The following TYR variants were observed in gnomAD, a reference collection of about 807,000 sequenced individuals.
TYR encodes the protein tyrosinase.
In TYR, 58 loss-of-function variants were observed where a neutral mutation model predicts 51.5. The observed-to-expected ratio is 1.13, with a 90% CI of 0.91 to 1.40. TYR has a LOEUF of 1.40. Ranked by LOEUF, TYR falls within the 40% of genes most tolerant of loss-of-function variation. The pLI is 0.00. For missense variants in TYR, 732 were observed against 647.4 expected (o/e 1.13, Z -1.42); for synonymous variants, 263 against 235.2 (o/e 1.12, Z -1.08).
At chr11:89,287,061 C>T (rs1435852294) in intron 4 of TYR, among the ~76,000 whole-genome samples, 1 of 151,702 alleles carries the variant, frequency 6.6e-6, no homozygotes, top group Non-Finnish European at 1.5e-5. Context: ...TCATTTTATA[C>T]TTATAGTGAT....
In TYR at chr11:89,178,731, C is replaced by G; in HGVS notation, c.778C>G (p.Pro260Ala). ...EYMGGQHPTN[P>A]NLLSPASFFS... is the part of the protein sequence containing the mutation. ...CATGGGAGGTCAGCACCCCACAAAT[C>G]CTAACTTACTCAGCCCAGCATCATT... The change falls in exon 1 of 5, where the codon CCT (proline) becomes GCT (alanine). Residue 260 changes from proline to alanine, a missense_variant. Pro to Ala is a conservative substitution (Grantham distance 27). Transcript: ENST00000263321. 1 of 1,614,114 alleles carries G rather than the reference C, an allele frequency of 6.2e-7. No homozygotes were observed. Among genetic ancestry groups the G allele is most frequent in the South Asian group, 1.1e-5 (1 of 91,084 alleles).
chr11:89,198,593 G>T (rs1943555071), intron 2 of TYR, among the ~76,000 whole-genome samples: 1 of 151,998 alleles, frequency 6.6e-6, no homozygotes, highest in Non-Finnish European at 1.5e-5. Context: ...CTCCTCACAT[G>T]TTATCTTATT....
rs148813091 is a variant in TYR, at chr11:89,178,457, C to T, written c.504C>T (p.Asn168=). Residue 168 remains asparagine (N), a synonymous_variant, in exon 1 of 5, where the codon AAC becomes AAT. Transcript: ENST00000263321. The part of the protein sequence containing the change: ...QMKNGSTPMF[N]DINIYDLFVW... ...AAAATGGATCAACACCCATGTTTAACGACATCAATATTTATGACCTCTTTG... is the reference window on the plus strand; with the variant it reads ...AAAATGGATCAACACCCATGTTTAATGACATCAATATTTATGACCTCTTTG... 824 of 1,614,108 alleles carry T rather than the reference C, an allele frequency of 5.1e-4. 6 individuals are homozygous for T. The highest frequency in any genetic ancestry group is 1.7e-4 in the Middle Eastern group (1 of 6,060).
intron 1 of TYR, among the ~76,000 whole-genome samples, chr11:89,187,500 T>G (rs1943389441): frequency 6.6e-6 from 1 of 152,140 alleles, no homozygotes; most frequent in South Asian, 2.1e-4. Flanking sequence ...CATAACAAAC[T>G]CATTGGCCAA....
intron 3 of TYR, among the ~76,000 whole-genome samples, chr11:89,281,440 C>T (rs1278297660): frequency 6.6e-6 from 1 of 151,636 alleles, no homozygotes; most frequent in Non-Finnish European, 1.5e-5. Context: ...GAGGTAAAGC[C>T]CCAAACATGT....
At chr11:89,252,577 T>C (rs1394812654) in intron 3 of TYR, among the ~76,000 whole-genome samples, 1 of 151,828 alleles carries the variant, frequency 6.6e-6, no homozygotes, top group Non-Finnish European at 1.5e-5. Context: ...GATAGTAAAA[T>C]AATTCCCTGA....
chr11:89,233,414 C>T (rs116402236), intron 3 of TYR, among the ~76,000 whole-genome samples: 2,373 of 138,836 alleles, frequency 0.017, 463 homozygotes, highest in African/African-American at 0.066. Flanking sequence ...TTCCATACTC[C>T]TATTAACGTT....
At chr11:89,226,292 C>A (rs191253855) in intron 2 of TYR, among the ~76,000 whole-genome samples, 1 of 152,144 alleles carries the variant, frequency 6.6e-6, no homozygotes, top group Non-Finnish European at 1.5e-5. Flanking sequence ...TAGACAAGTT[C>A]TTTGTCCCCT....
intron 4 of TYR, among the ~76,000 whole-genome samples, chr11:89,286,863 T>C (rs1387551553): frequency 6.6e-6 from 1 of 151,826 alleles, no homozygotes; most frequent in Non-Finnish European, 1.5e-5. Flanking sequence ...AAAACCACAG[T>C]ACATAAAAAA....
At chr11:89,257,454 A>G (rs1189731470) in intron 3 of TYR, among the ~76,000 whole-genome samples, 2 of 152,036 alleles carry the variant, frequency 1.3e-5, no homozygotes, top group African/African-American at 4.8e-5. Flanking sequence ...TAGCCATATT[A>G]TCCGTCTCTG....
At chr11:89,231,662 T>C (rs907676071) in intron 3 of TYR, among the ~76,000 whole-genome samples, 1 of 141,938 alleles carries the variant, frequency 7.0e-6, no homozygotes, top group Admixed American at 7.0e-5. Context: ...GGAGGGAAGT[T>C]GGACAAATGA....
At chr11:89,216,579 G>A (rs1293665039) in intron 2 of TYR, among the ~76,000 whole-genome samples, 1 of 147,600 alleles carries the variant, frequency 6.8e-6, no homozygotes, top group African/African-American at 2.6e-5. Context: ...CTTGAACCCA[G>A]GAGGCAGAGG....
chr11:89,234,522 T>C (rs1944087547), intron 3 of TYR, among the ~76,000 whole-genome samples: 2 of 143,584 alleles, frequency 1.4e-5, no homozygotes, highest in South Asian at 2.3e-4. Context: ...CCTTCCTCAC[T>C]AAGCTCAATC....
chr11:89,243,990 G>A (rs1158338563), intron 3 of TYR, among the ~76,000 whole-genome samples: 1 of 151,964 alleles, frequency 6.6e-6, no homozygotes, highest in Non-Finnish European at 1.5e-5. Flanking sequence ...TAAAAATGTT[G>A]GTAATGGACC....
At chr11:89,193,406 A>T (rs1188280692) in intron 2 of TYR, among the ~76,000 whole-genome samples, 2 of 152,152 alleles carry the variant, frequency 1.3e-5, no homozygotes, top group Non-Finnish European at 2.9e-5. Context: ...ACAGGTGAGG[A>T]GGGAACAGCA....
chr11:89,253,726 A>G (rs1302947480), intron 3 of TYR, among the ~76,000 whole-genome samples: 5 of 151,676 alleles, frequency 3.3e-5, no homozygotes, highest in Non-Finnish European at 7.4e-5. Flanking sequence ...AGCTTTTTGG[A>G]AGAGTCTTCA....
rs13312741 is a variant in TYR, at chr11:89,178,326, G to A, written c.373G>A (p.Asp125Asn). The A allele has an allele frequency of 5.6e-6, 9 of 1,614,048 alleles. No homozygotes were observed. The highest frequency in any genetic ancestry group is 1.6e-4 in the Middle Eastern group (1 of 6,084). Residue 125 changes from aspartate (D) to asparagine (N), a missense_variant, in exon 1 of 5, where the codon GAT (aspartate) becomes AAT (asparagine). Coordinates refer to ENST00000263321, the MANE Select transcript of TYR (RefSeq NM_000372.5). The stretch of plus-strand genomic sequence containing the variant: ...ACTCTTGGTGAGAAGAAACATCTTC[G>A]ATTTGAGTGCCCCAGAGAAGGACAA... ...RRLLVRRNIF[D>N]LSAPEKDKFF...
intron 3 of TYR, among the ~76,000 whole-genome samples, chr11:89,271,038 G>C (rs1022819711): frequency 3.3e-5 from 5 of 151,856 alleles, no homozygotes; most frequent in African/African-American, 1.2e-4. Flanking sequence ...TAGCCATTGA[G>C]CTAATCTTAA....
chr11:89,201,941 G>T (rs1400322828), intron 2 of TYR, among the ~76,000 whole-genome samples: 1 of 151,980 alleles, frequency 6.6e-6, no homozygotes. Context: ...GATATCTAAA[G>T]GCACATTTGC....
Sources: allele counts gnomAD v4.1 joint callset (sites outside exome capture counted in the v4.1 genomes callset), GRCh38; gene constraint gnomAD v4.1.1; transcripts MANE v1.5; gene names NCBI Gene and HGNC (gene_info 2026-07-23, HGNC 2026-07-21).